The following THSD7B variants were observed in gnomAD, a reference collection of about 807,000 sequenced individuals.
The protein encoded by THSD7B is thrombospondin type 1 domain containing 7B, also known as thrombospondin type-1 domain-containing protein 7B.
A neutral mutation model predicts 213.6 loss-of-function variants in THSD7B; 138 were observed. That is an observed-to-expected ratio of 0.65 (90% CI 0.56 to 0.74). THSD7B has a LOEUF of 0.74. Ranked by LOEUF, THSD7B falls within the 30% of genes least tolerant of loss-of-function variation. The probability of loss-of-function intolerance (pLI) is 0.00; values close to 1 mark genes in which losing one functional copy is unlikely to be tolerated. For missense variants in THSD7B, 1,931 were observed against 1,991.5 expected (o/e 0.97, Z 0.58); for synonymous variants, 742 against 687.0 (o/e 1.08, Z -1.25).
chr2:136,981,580 G>A (rs538724897), intron 2 of THSD7B, among the ~76,000 whole-genome samples: 7 of 152,206 alleles, frequency 4.6e-5, no homozygotes, highest in African/African-American at 1.7e-4. Context: ...CATTGACCTT[G>A]TAGCATGGCC....
rs557146877 is a variant in THSD7B at position 137,640,407 on chromosome 2, A to C, written c.3800-2081A>C. Reference sequence around the variant, plus strand: ...TCTTGGGTGTGTCTTTATCAGCAGCATGAAAATGAATTAATACAACCACCA... The same window carrying C: ...TCTTGGGTGTGTCTTTATCAGCAGCCTGAAAATGAATTAATACAACCACCA... On this transcript the variant is annotated intron_variant, in intron 20 of 27. Coordinates refer to ENST00000409968, the MANE Select transcript of THSD7B (RefSeq NM_001316349.2). Among the ~76,000 whole-genome samples, 5 of 152,296 alleles carry C rather than the reference A, an allele frequency of 3.3e-5. No homozygotes were observed. In the South Asian group the frequency reaches 1.0e-3, roughly 32 times the overall value.
intron 7 of THSD7B, among the ~76,000 whole-genome samples, chr2:137,179,382 A>G (rs1182059745): frequency 6.6e-6 from 1 of 152,104 alleles, no homozygotes; most frequent in Non-Finnish European, 1.5e-5. Context: ...TTGGCTCATT[A>G]CTCTTGACAC....
In THSD7B at chr2:137,667,803, G is replaced by C. The variant is rs372041308; in HGVS notation, c.4681G>C (p.Val1561Leu). The C allele has an allele frequency of 5.0e-6, 8 of 1,606,444 alleles. No individual in the cohort carries two copies. Among genetic ancestry groups the C allele is most frequent in the Non-Finnish European group, 6.0e-6 (7 of 1,175,920 alleles). ...CCGAGTAAAAATTTGGGTTTATGGCGTTTCAGGTGGCGCTTTTCTCATCAT... is the reference window on the plus strand; with the variant it reads ...CCGAGTAAAAATTTGGGTTTATGGCCTTTCAGGTGGCGCTTTTCTCATCAT... ...DGRVKIWVYG[V>L]SGGAFLIMIF... The change falls in exon 27 of 28, where the codon GTT becomes CTT. Residue 1561 changes from valine (V) to leucine (L), a missense_variant. By Grantham distance (32) the Val-to-Leu change is conservative (BLOSUM62 1). Transcript: ENST00000409968.
chr2:136,964,049 A>G (rs1685274750), intron 2 of THSD7B, among the ~76,000 whole-genome samples: 1 of 152,194 alleles, frequency 6.6e-6, no homozygotes. Flanking sequence ...CAGCTGGAGA[A>G]GAGTACACGA....
chr2:136,946,641 A>C (rs1057105817), intron 2 of THSD7B, among the ~76,000 whole-genome samples: 4 of 152,176 alleles, frequency 2.6e-5, no homozygotes, highest in Non-Finnish European at 4.4e-5. Context: ...GGCTCTGCCC[A>C]GTTCGAGCTT....
intron 12 of THSD7B, among the ~76,000 whole-genome samples, chr2:137,299,039 G>T (rs945324591): frequency 1.3e-5 from 2 of 152,092 alleles, no homozygotes; most frequent in African/African-American, 2.4e-5. Flanking sequence ...TATGTGCCTG[G>T]AAATGCTGCA....
At chr2:137,398,708 G>T (rs1408755886) in intron 12 of THSD7B, among the ~76,000 whole-genome samples, 2 of 152,174 alleles carry the variant, frequency 1.3e-5, no homozygotes, top group Non-Finnish European at 2.9e-5. Flanking sequence ...TGAGCTTCAG[G>T]GCTGCTTTGT....
chr2:136,818,595 T>G (rs1682520561), intron 1 of THSD7B, among the ~76,000 whole-genome samples: 1 of 152,178 alleles, frequency 6.6e-6, no homozygotes, highest in Non-Finnish European at 1.5e-5. Flanking sequence ...AAAAGAGTGC[T>G]GAATTATGTT....
At chr2:137,486,503 G>C (rs1688447925) in intron 15 of THSD7B, among the ~76,000 whole-genome samples, 1 of 151,210 alleles carries the variant, frequency 6.6e-6, no homozygotes, top group South Asian at 2.1e-4. Context: ...CAAGTCCTTA[G>C]TGACCTACAA....
chr2:136,791,577 C>T (rs1262575200), intron 1 of THSD7B, among the ~76,000 whole-genome samples: 1 of 149,982 alleles, frequency 6.7e-6, no homozygotes, highest in Non-Finnish European at 1.5e-5. Flanking sequence ...CAACCCTAAT[C>T]TACTTTCTGT....
chr2:137,614,431 G>C (rs868156323), intron 17 of THSD7B, among the ~76,000 whole-genome samples: 1 of 152,114 alleles, frequency 6.6e-6, no homozygotes, highest in Middle Eastern at 3.4e-3. Flanking sequence ...AGGTACCTAA[G>C]CCTTTACATG....
chr2:137,288,872 A>C (rs905333357), intron 12 of THSD7B, among the ~76,000 whole-genome samples: 1 of 151,950 alleles, frequency 6.6e-6, no homozygotes, highest in Non-Finnish European at 1.5e-5. Flanking sequence ...CACAGAGGGC[A>C]TGTAAAGGCC....
chr2:137,092,463 A>T (rs1006696619), intron 3 of THSD7B, among the ~76,000 whole-genome samples: 6 of 152,094 alleles, frequency 3.9e-5, no homozygotes, highest in African/African-American at 1.4e-4. Context: ...GGACCAGAGG[A>T]AGATTTAGCT....
intron 2 of THSD7B, among the ~76,000 whole-genome samples, chr2:136,926,128 C>CT (rs1299047954): frequency 1.3e-5 from 2 of 152,148 alleles, no homozygotes; most frequent in Non-Finnish European, 2.9e-5. Flanking sequence ...CCTTCATAGA[C>CT]TCCTACCTGC....
chr2:137,549,213 G>A (rs1400923762), intron 15 of THSD7B, among the ~76,000 whole-genome samples: 2 of 150,340 alleles, frequency 1.3e-5, no homozygotes, highest in African/African-American at 2.4e-5. Flanking sequence ...ACTGAGATCC[G>A]TTAACTGATC....
intron 2 of THSD7B, among the ~76,000 whole-genome samples, chr2:137,003,539 A>G (rs928580347): frequency 6.6e-6 from 1 of 152,188 alleles, no homozygotes; most frequent in African/African-American, 2.4e-5. Flanking sequence ...ATAATGTAAG[A>G]TTATTACATT....
intron 14 of THSD7B, among the ~76,000 whole-genome samples, chr2:137,413,428 C>G (rs898906851): frequency 6.6e-6 from 1 of 152,058 alleles, no homozygotes; most frequent in South Asian, 2.1e-4. Context: ...AGAAATAGAA[C>G]AAATACATAA....
chr2:137,161,220 T>A (rs1680012685), intron 6 of THSD7B, among the ~76,000 whole-genome samples: 1 of 152,194 alleles, frequency 6.6e-6, no homozygotes, highest in African/African-American at 2.4e-5. Context: ...TCTTCAAAAG[T>A]TTACTCCTAG....
At chr2:136,935,463 G>C (rs1220760116) in intron 2 of THSD7B, among the ~76,000 whole-genome samples, 1 of 152,140 alleles carries the variant, frequency 6.6e-6, no homozygotes, top group African/African-American at 2.4e-5. Context: ...TATTCTCCAT[G>C]ATGTAGGGAA....
Sources: allele counts gnomAD v4.1 joint callset (sites outside exome capture counted in the v4.1 genomes callset), GRCh38; gene constraint gnomAD v4.1.1; transcripts MANE v1.5; gene names NCBI Gene and HGNC (gene_info 2026-07-23, HGNC 2026-07-21).